Variants in ELOC observed in about 807,000 individuals in gnomAD.
ELOC encodes the protein elongin C.
For synonymous variants in ELOC, 40 were observed against 51.3 expected (o/e 0.78, Z 0.94); for missense variants, 38 against 139.0 (o/e 0.27, Z 3.65).
At position 73,963,308 on chromosome 8, in the gene ELOC, A is replaced by G. The variant is rs189576819; in HGVS notation, c.-50-3490T>C. Among the ~76,000 whole-genome samples the G allele has an allele frequency of 4.4e-3, 671 of 152,272 alleles. 1 individual carries two copies. The highest frequency in any genetic ancestry group is 0.015 in the African/African-American group (618 of 41,548). On this transcript the variant is annotated intron_variant, in intron 1 of 3. Transcript: ENST00000520242. Reference sequence around the variant, plus strand: ...TTTGATTTGAAATATTACCTTTATCATATTCTATATTGCTACATGAAATTC... The same window carrying G: ...TTTGATTTGAAATATTACCTTTATCGTATTCTATATTGCTACATGAAATTC...
chr8:73,966,678 T>G (rs972924348), intron 1 of ELOC, among the ~76,000 whole-genome samples: 1 of 151,698 alleles, frequency 6.6e-6, no homozygotes, highest in African/African-American at 2.4e-5. Flanking sequence ...CTCCCTGTGT[T>G]GCCCAAGCTG....
chr8:73,961,911 T>C (rs775836458), intron 1 of ELOC, among the ~76,000 whole-genome samples: 12 of 152,056 alleles, frequency 7.9e-5, no homozygotes, highest in Non-Finnish European at 1.8e-4. Context: ...TTATTTATTT[T>C]TTGAGACAGA....
At chr8:73,957,041 C>G (rs1260578729) in intron 2 of ELOC, among the ~76,000 whole-genome samples, 1 of 151,802 alleles carries the variant, frequency 6.6e-6, no homozygotes, top group Non-Finnish European at 1.5e-5. Flanking sequence ...GGCGTGGTGG[C>G]GGGTGCCTGT....
chr8:73,955,920 T>A lies in ELOC; in HGVS notation c.139A>T (p.Ser47Cys). The A allele has an allele frequency of 1.2e-6, 2 of 1,612,252 alleles. No homozygotes were observed. The highest frequency in any genetic ancestry group is 1.7e-6 in the Non-Finnish European group (2 of 1,178,520). ...LTSGTIKAMLSGPGQFAENET... is the reference protein window; with the variant it reads ...LTSGTIKAMLCGPGQFAENET... The stretch of plus-strand genomic sequence containing the variant: ...ACAGAACTGTGCTTACCTGGGCCAC[T>A]CAACATGGCTTTTATCGTGCCTGAT... The change falls in exon 3 of 4, where the codon AGT becomes TGT. Residue 47 changes from serine to cysteine, a missense_variant. Physicochemically the swap from Ser to Cys is moderately radical, Grantham distance 112 (BLOSUM62 -1). Coordinates refer to ENST00000520242, the MANE Select transcript of ELOC (RefSeq NM_005648.4).
At chr8:73,962,490 T>C (rs145178378) in intron 1 of ELOC, among the ~76,000 whole-genome samples, 17 of 152,148 alleles carry the variant, frequency 1.1e-4, no homozygotes, top group African/African-American at 4.1e-4. Context: ...CATTTTATGA[T>C]ACTACGCAAT....
intron 2 of ELOC, among the ~76,000 whole-genome samples, chr8:73,957,329 G>A (rs1348683364): frequency 6.6e-6 from 1 of 152,148 alleles, no homozygotes; most frequent in Non-Finnish European, 1.5e-5. Context: ...CATTGCTGCT[G>A]TACTGGCTTC....
At chr8:73,954,278 T>G (rs1813987551) in intron 3 of ELOC, among the ~76,000 whole-genome samples, 1 of 152,182 alleles carries the variant, frequency 6.6e-6, no homozygotes, top group African/African-American at 2.4e-5. Flanking sequence ...CAAAATACTG[T>G]GAATGCAGTA....
At chr8:73,970,052 G>A (rs538234832) in intron 1 of ELOC, among the ~76,000 whole-genome samples, 1 of 152,222 alleles carries the variant, frequency 6.6e-6, no homozygotes, top group African/African-American at 2.4e-5. Flanking sequence ...CACTTTGGGA[G>A]GCCAAGGCAG....
chr8:73,960,334 A>C (rs1471682815), intron 1 of ELOC, among the ~76,000 whole-genome samples: 1 of 152,140 alleles, frequency 6.6e-6, no homozygotes, highest in Non-Finnish European at 1.5e-5. Context: ...CCTCGTTTTG[A>C]GAGGTGGCCT....
At chr8:73,948,945 A>G (rs1181900292) in intron 3 of ELOC, among the ~76,000 whole-genome samples, 2 of 152,218 alleles carry the variant, frequency 1.3e-5, no homozygotes, top group East Asian at 3.8e-4. Context: ...AAATATGATC[A>G]TGTTAACGAG....
At chr8:73,952,737 C>T (rs1420219716) in intron 3 of ELOC, among the ~76,000 whole-genome samples, 8 of 143,760 alleles carry the variant, frequency 5.6e-5, no homozygotes, top group South Asian at 2.2e-4. Flanking sequence ...GCCAAGGTTG[C>T]GCCACTGCAC....
At chr8:73,959,581 T>A (rs1177421344) in intron 2 of ELOC, among the ~76,000 whole-genome samples, 184 bp downstream of exon 2, 1 of 152,222 alleles carries the variant, frequency 6.6e-6, no homozygotes, top group Non-Finnish European at 1.5e-5. Context: ...GTCACACATG[T>A]GGTCCAACAC....
intron 1 of ELOC, among the ~76,000 whole-genome samples, chr8:73,962,314 T>C (rs189472474): frequency 6.6e-6 from 1 of 152,316 alleles, no homozygotes; most frequent in East Asian, 1.9e-4. Flanking sequence ...GCGTTAGGAT[T>C]TAAACCTAGG....
chr8:73,948,060 T>G (rs1357517534), intron 3 of ELOC, among the ~76,000 whole-genome samples: 2 of 151,954 alleles, frequency 1.3e-5, no homozygotes, highest in Admixed American at 6.6e-5. Context: ...GCCGTGGTGG[T>G]GAGTGCCAGT....
intron 1 of ELOC, among the ~76,000 whole-genome samples, chr8:73,968,114 T>C (rs942644498): frequency 6.6e-6 from 1 of 152,220 alleles, no homozygotes. Flanking sequence ...CTACCTTATA[T>C]AGACCCGAAT....
upstream of ELOC, chr8:73,972,242 T>C (rs1815471345): frequency 6.6e-6 from 1 of 152,370 alleles, no homozygotes; most frequent in Non-Finnish European, 1.5e-5. Context: ...GGGAGATCCG[T>C]ACCTGGTGAG....
intron 1 of ELOC, chr8:73,970,674 A>AT (rs1220304271): frequency 6.6e-6 from 1 of 152,154 alleles, no homozygotes; most frequent in Non-Finnish European, 1.5e-5. Context: ...GAGATCAGAC[A>AT]TATGTCATTT....
rs188502481 is a variant in ELOC at position 73,955,002 on chromosome 8, C to A, written c.148+909G>T. ...TGAGCCGAGATGGCACCATTGCACT[C>A]CAGCCTGGGTGACAGAGTGAGACTC... is the stretch of plus-strand genomic sequence containing the variant. On this transcript the variant is annotated intron_variant, in intron 3 of 3. Transcript: ENST00000520242. Among the ~76,000 whole-genome samples, 242 of 142,706 alleles carry A rather than the reference C, an allele frequency of 1.7e-3. 1 individual carries two copies. The highest frequency in any genetic ancestry group is 8.3e-3 in the Middle Eastern group (2 of 242). 93.6% of individuals were successfully genotyped at this position (142,706 alleles called of 152,430 possible).
intron 3 of ELOC, 104 bp downstream of exon 3, chr8:73,955,807 G>C (rs1814138269): frequency 3.2e-6 from 4 of 1,250,500 alleles, no homozygotes; most frequent in Non-Finnish European, 4.5e-6. Context: ...AACAATGTTA[G>C]AAGACTTATT....
Sources: allele counts gnomAD v4.1 joint callset (sites outside exome capture counted in the v4.1 genomes callset), GRCh38; gene constraint gnomAD v4.1.1; transcripts MANE v1.5; gene names NCBI Gene and HGNC (gene_info 2026-07-23, HGNC 2026-07-21).